The following ITGAV variants were observed in gnomAD, a reference collection of about 807,000 sequenced individuals.
ITGAV encodes integrin alpha-V.
Under a neutral mutation model 143.8 loss-of-function variants are expected in ITGAV, and 76 were observed. That is an observed-to-expected ratio of 0.53 (90% CI 0.44 to 0.64). ITGAV has a LOEUF of 0.64. Among genes scored for constraint, ITGAV ranks in the 30% least tolerant of loss-of-function variants. ITGAV has a pLI of 0.00. For missense variants in ITGAV, 1,193 were observed against 1,274.7 expected (o/e 0.94, Z 0.98); for synonymous variants, 453 against 446.7 (o/e 1.01, Z -0.18).
Position 186,649,827 on chromosome 2 carries a change from A to G in ITGAV, c.1352-13A>G. On this transcript the variant is annotated splice_polypyrimidine_tract_variant and intron_variant, in intron 13 of 29. Coordinates refer to ENST00000261023, the MANE Select transcript of ITGAV (RefSeq NM_002210.5). ...ATTATCATTATTAACATGTTTTTCC[A>G]CTCTTTCTTAAGACTTAATTGTAGG... 1 of 1,560,184 alleles carries G rather than the reference A, an allele frequency of 6.4e-7. No homozygotes were observed. The highest frequency in any genetic ancestry group is 8.7e-7 in the Non-Finnish European group (1 of 1,145,446).
At chr2:186,651,829 A>G (rs181826721) in intron 14 of ITGAV, among the ~76,000 whole-genome samples, 153 bp from the exon 15 acceptor site, 17 of 152,224 alleles carry the variant, frequency 1.1e-4, no homozygotes, top group Non-Finnish European at 2.5e-4. Context: ...TTGATCACCT[A>G]CGGTTATGTT....
intron 19 of ITGAV, 106 bp from the exon 20 acceptor site, chr2:186,664,388 G>A (rs1016854701): frequency 9.2e-7 from 1 of 1,083,410 alleles, no homozygotes; most frequent in African/African-American, 1.6e-5. Context: ...TTGAGACACT[G>A]TTGAACATGT....
In ITGAV at chr2:186,675,919, TC is replaced by T; in HGVS notation, c.2922del (p.Thr975HisfsTer22). ...KNLPIEDITN[S>X]TLVTTNVTWG... ...TCTTCCAATTGAGGATATCACCAACTCCACATTGGTAAGTCATTGGTTTAGG... is the reference window on the plus strand; with the variant it reads ...TCTTCCAATTGAGGATATCACCAACTCACATTGGTAAGTCATTGGTTTAGG... On this transcript the variant is annotated frameshift_variant, in exon 28 of 30. Coordinates refer to ENST00000261023, the MANE Select transcript of ITGAV (RefSeq NM_002210.5). LOFTEE classifies it high-confidence loss of function. 2 of 1,526,066 alleles carry T rather than the reference TC, an allele frequency of 1.3e-6. No homozygotes were observed. The highest frequency in any genetic ancestry group is 9.1e-7 in the Non-Finnish European group (1 of 1,100,694). The allele number at this position is 1,526,066 out of a possible 1,614,324, so 94.5% of individuals were successfully genotyped here. A position where few individuals can be genotyped will look rare whatever the true frequency, so the allele number is the denominator to read the frequency against.
intron 1 of ITGAV, among the ~76,000 whole-genome samples, chr2:186,591,604 A>G (rs889703882): frequency 6.6e-6 from 1 of 152,196 alleles, no homozygotes; most frequent in Non-Finnish European, 1.5e-5. Flanking sequence ...GGATAGGACC[A>G]TCTTCTACTA....
At chr2:186,600,352 C>G (rs1457780110) in intron 1 of ITGAV, 1 of 1,536,912 alleles carries the variant, frequency 6.5e-7, no homozygotes, top group African/African-American at 1.4e-5. Context: ...TAGGCACCCT[C>G]CTTCTGATCC....
chr2:186,611,445 T>G (rs1381470340), intron 2 of ITGAV, among the ~76,000 whole-genome samples: 1 of 152,042 alleles, frequency 6.6e-6, no homozygotes, highest in Non-Finnish European at 1.5e-5. Context: ...CAGGCTGGTC[T>G]CAAACTCCTG....
chr2:186,668,637 T>C, intron 24 of ITGAV, 125 bp from the exon 25 acceptor site: 1 of 763,998 alleles, frequency 1.3e-6, no homozygotes, highest in Admixed American at 2.7e-5. Flanking sequence ...TAATTAGAGG[T>C]TAACTGTGGA....
intron 3 of ITGAV, 46 bp from the exon 4 acceptor site, chr2:186,625,427 A>G (rs1428906529): frequency 7.6e-7 from 1 of 1,314,944 alleles, no homozygotes; most frequent in African/African-American, 1.5e-5. Context: ...TGAAACACTA[A>G]ATTTTTAGAA....
intron 2 of ITGAV, among the ~76,000 whole-genome samples, chr2:186,607,849 G>A (rs756163137): frequency 1.3e-5 from 2 of 152,090 alleles, no homozygotes; most frequent in African/African-American, 2.4e-5. Flanking sequence ...GGCCCCTGAC[G>A]TTAAGTTGCA....
At chr2:186,652,296 C>G (rs1359176485) in intron 15 of ITGAV, among the ~76,000 whole-genome samples, 1 of 152,106 alleles carries the variant, frequency 6.6e-6, no homozygotes, top group Non-Finnish European at 1.5e-5. Context: ...CTTAAGTGAT[C>G]CTTCCACCTT....
chr2:186,653,109 C>T (rs1688486867), intron 15 of ITGAV, among the ~76,000 whole-genome samples: 1 of 151,864 alleles, frequency 6.6e-6, no homozygotes, highest in Non-Finnish European at 1.5e-5. Flanking sequence ...ACACGCCCGG[C>T]TAATTTTTTG....
intron 16 of ITGAV, among the ~76,000 whole-genome samples, chr2:186,655,535 A>T (rs182561106): frequency 6.6e-6 from 1 of 152,366 alleles, no homozygotes; most frequent in African/African-American, 2.4e-5. Context: ...CAGAACATGA[A>T]GCAAAATAAC....
At chr2:186,592,574 GT>G (rs11345190) in intron 1 of ITGAV, among the ~76,000 whole-genome samples, 99,426 of 148,270 alleles carry the variant, frequency 0.67, 33,990 homozygotes, top group East Asian at 0.84. Flanking sequence ...AACTTTAAGT[GT>G]TTTTTTTTTT....
At chr2:186,590,562 C>T in intron 1 of ITGAV, 39 bp downstream of exon 1, 1 of 1,564,982 alleles carries the variant, frequency 6.4e-7, no homozygotes, top group Non-Finnish European at 8.7e-7. Flanking sequence ...GGCCCCCTCC[C>T]CCACCGCGCG....
intron 28 of ITGAV, chr2:186,676,293 G>A (rs1002016116): frequency 1.1e-5 from 2 of 176,070 alleles, no homozygotes; most frequent in African/African-American, 2.4e-5. Context: ...TAGTAAACTG[G>A]ATTGGATTAT....
chr2:186,679,436 A>T lies in ITGAV; in HGVS notation c.*2144A>T, dbSNP rs202063034. 1 of 151,982 alleles carries T rather than the reference A, an allele frequency of 6.6e-6. No individual in the cohort carries two copies. Among genetic ancestry groups the T allele is most frequent in the Admixed American group, 6.6e-5 (1 of 15,260 alleles). The allele number at this position is 151,982 out of a possible 1,614,324, so 9.4% of individuals were successfully genotyped here. On this transcript the variant is annotated 3_prime_UTR_variant, in exon 30 of 30. Transcript: ENST00000261023. Reference sequence around the variant, plus strand: ...TCCTTCAAAAAATGAACATTTATATATCTACAAAAATATGGAGAAGAGTAA... The same window carrying T: ...TCCTTCAAAAAATGAACATTTATATTTCTACAAAAATATGGAGAAGAGTAA...
At chr2:186,607,236 G>A (rs934386435) in intron 2 of ITGAV, among the ~76,000 whole-genome samples, 2 of 152,078 alleles carry the variant, frequency 1.3e-5, no homozygotes, top group South Asian at 4.1e-4. Flanking sequence ...AAAGTGCCCT[G>A]TCCTCATGTT....
intron 15 of ITGAV, among the ~76,000 whole-genome samples, chr2:186,653,197 G>T (rs923040305): frequency 2.6e-5 from 4 of 151,748 alleles, no homozygotes; most frequent in Non-Finnish European, 5.9e-5. Flanking sequence ...CACCCGCCTC[G>T]GCCTCCCAAA....
In ITGAV at chr2:186,646,150, A is replaced by G. The variant is rs61762236; in HGVS notation, c.1160-536A>G. 6.7e-3 allele frequency among the ~76,000 whole-genome samples: 1,025 copies of G among 152,316 alleles called. 9 individuals carry two copies. The highest frequency in any genetic ancestry group is 0.023 in the African/African-American group (973 of 41,570). On this transcript the variant is annotated intron_variant, in intron 12 of 29. Coordinates refer to ENST00000261023, the MANE Select transcript of ITGAV (RefSeq NM_002210.5). ...TAAAGATTTAAAATGTTATTCATTT[A>G]TCTTCTTTCAGTGTAAGTTGAGCAA...
Sources: gnomAD v4.1 joint callset for allele counts (sites outside exome capture counted in the v4.1 genomes callset) on GRCh38, gnomAD v4.1.1 for gene constraint, MANE v1.5 for transcripts, NCBI Gene and HGNC (gene_info 2026-07-23, HGNC 2026-07-21) for gene names.